The following MAN2A1 variants were observed in gnomAD, a reference collection of about 807,000 sequenced individuals.
The protein encoded by MAN2A1 is alpha-mannosidase 2.
A neutral mutation model predicts 142.6 loss-of-function variants in MAN2A1; 76 were observed. That is an observed-to-expected ratio of 0.53 (90% CI 0.44 to 0.65). MAN2A1 has a LOEUF of 0.65. MAN2A1 is among the 30% of genes least tolerant of loss of function. The probability of loss-of-function intolerance (pLI) is 0.00; values close to 1 mark genes in which losing one functional copy is unlikely to be tolerated. For synonymous variants in MAN2A1, 559 were observed against 473.2 expected (o/e 1.18, Z -2.35); for missense variants, 1,311 against 1,365.1 (o/e 0.96, Z 0.62).
chr5:109,858,408 CAA>C (rs1392848199), intron 20 of MAN2A1, among the ~76,000 whole-genome samples: 1 of 152,034 alleles, frequency 6.6e-6, no homozygotes, highest in African/African-American at 2.4e-5. Context: ...GCTGTACTTA[CAA>C]AATGTCCAGT....
At chr5:109,742,735 C>A (rs946927433) in intron 4 of MAN2A1, among the ~76,000 whole-genome samples, 1 of 152,134 alleles carries the variant, frequency 6.6e-6, no homozygotes, top group South Asian at 2.1e-4. Context: ...TATTCAGAGT[C>A]ATTTGCAGAT....
chr5:109,700,351 T>C (rs1750942649), intron 1 of MAN2A1, among the ~76,000 whole-genome samples: 2 of 151,038 alleles, frequency 1.3e-5, no homozygotes, highest in South Asian at 2.1e-4. Flanking sequence ...CTAGAACTGA[T>C]AGTGCTTTGT....
At chr5:109,755,014 A>AAATG (rs1388822730) in intron 4 of MAN2A1, among the ~76,000 whole-genome samples, 3 of 152,164 alleles carry the variant, frequency 2.0e-5, no homozygotes, top group Non-Finnish European at 4.4e-5. Flanking sequence ...ATAAATAAAT[A>AAATG]AATAAACCAA....
rs780794951 is a variant in MAN2A1 at position 109,845,974 on chromosome 5, C to T, written c.2810C>T (p.Ala937Val). 4.3e-6 allele frequency: 7 copies of T among 1,613,532 alleles called. No homozygotes were observed. The African/African-American group carries it at 6.7e-5, about 15-fold the overall frequency. ...DAKHRLTLLS[A>V]QSLGVSSLNS... ...AAACATCGTTTGACACTGCTCTCTG[C>T]TCAGTCATTAGGGGTTTCGAGTTTG... Residue 937 changes from alanine to valine, a missense_variant, in exon 18 of 22, where the codon GCT becomes GTT. Physicochemically the swap from Ala to Val is moderately conservative, Grantham distance 64. Transcript: ENST00000261483.
Position 109,761,233 on chromosome 5 carries a change from T to C in MAN2A1, c.835+5777T>C, listed in dbSNP as rs140751296. ...TTATAGTATTTAGACTATATGTCTG[T>C]TTAGTATTTTATTGCATAGATAACA... On this transcript the variant is annotated intron_variant, in intron 5 of 21. Coordinates refer to ENST00000261483, the MANE Select transcript of MAN2A1 (RefSeq NM_002372.4). 2.0e-3 allele frequency among the ~76,000 whole-genome samples: 305 copies of C among 151,768 alleles called. 2 individuals carry two copies. The highest frequency in any genetic ancestry group is 7.1e-3 in the African/African-American group (293 of 41,506).
chr5:109,699,231 C>T (rs998453252), intron 1 of MAN2A1, among the ~76,000 whole-genome samples: 3 of 152,168 alleles, frequency 2.0e-5, no homozygotes, highest in Middle Eastern at 3.2e-3. Flanking sequence ...TCATTTCTCA[C>T]CCTCCCTCAG....
At chr5:109,828,122 AAAAAG>A (rs142905103) in intron 16 of MAN2A1, among the ~76,000 whole-genome samples, 24,910 of 150,392 alleles carry the variant, frequency 0.17, 2,997 homozygotes, top group East Asian at 0.63. Context: ...AAAAAAAGAA[AAAAAG>A]AAAAAAAATT....
At chr5:109,706,365 T>C (rs940805831) in intron 1 of MAN2A1, among the ~76,000 whole-genome samples, 3 of 152,236 alleles carry the variant, frequency 2.0e-5, no homozygotes, top group Non-Finnish European at 4.4e-5. Context: ...ATACTTTTAC[T>C]ATGTAGCAGC....
At chr5:109,792,294 A>T (rs11953031) in intron 12 of MAN2A1, among the ~76,000 whole-genome samples, 3,187 of 152,038 alleles carry the variant, frequency 0.021, 113 homozygotes, top group African/African-American at 0.073. Context: ...TATTCCTTAA[A>T]TTTCATCACT....
rs1302153619 is a variant in MAN2A1 at position 109,713,768 on chromosome 5, T to A, written c.384T>A (p.Asp128Glu). ...FASQSGSHNS[D>E]VQMLDVYSLI... Reference sequence around the variant, plus strand: ...CACAAAGTGGAAGTCACAATTCAGATGTGCAGGTAATGTATACATTCGTTA... The same window carrying A: ...CACAAAGTGGAAGTCACAATTCAGAAGTGCAGGTAATGTATACATTCGTTA... The change falls in exon 2 of 22, where the codon GAT becomes GAA. Residue 128 changes from aspartate to glutamate, a missense_variant. Transcript: ENST00000261483. 9.3e-6 allele frequency: 15 copies of A among 1,613,574 alleles called. No individual in the cohort carries two copies. The highest frequency in any genetic ancestry group is 2.7e-5 in the African/African-American group (2 of 74,874).
At chr5:109,722,931 G>C (rs1053424096) in intron 3 of MAN2A1, among the ~76,000 whole-genome samples, 5 of 152,230 alleles carry the variant, frequency 3.3e-5, no homozygotes, top group African/African-American at 9.6e-5. Context: ...CTGAAGTATT[G>C]TCAGTCAGTG....
intron 7 of MAN2A1, among the ~76,000 whole-genome samples, chr5:109,770,768 A>C (rs1753125251): frequency 6.6e-6 from 1 of 152,110 alleles, no homozygotes; most frequent in South Asian, 2.1e-4. Context: ...TATACAATGG[A>C]TAACCTATAA....
intron 12 of MAN2A1, among the ~76,000 whole-genome samples, chr5:109,815,158 C>A (rs563664167): frequency 6.6e-6 from 1 of 152,074 alleles, no homozygotes; most frequent in South Asian, 2.1e-4. Context: ...TAGGACAGTC[C>A]CATTGGTAAT....
intron 6 of MAN2A1, among the ~76,000 whole-genome samples, chr5:109,769,369 G>A (rs970394119): frequency 2.6e-5 from 4 of 152,166 alleles, no homozygotes; most frequent in African/African-American, 9.7e-5. Context: ...AGTTGAGCTT[G>A]TTCACGTGTT....
chr5:109,761,071 A>G (rs981818252), intron 5 of MAN2A1, among the ~76,000 whole-genome samples: 12 of 151,256 alleles, frequency 7.9e-5, no homozygotes, highest in African/African-American at 2.9e-4. Flanking sequence ...ATATAAGAAA[A>G]TTTTTCATAT....
intron 12 of MAN2A1, among the ~76,000 whole-genome samples, chr5:109,809,725 G>A (rs377109713): frequency 1.3e-5 from 2 of 152,042 alleles, no homozygotes; most frequent in South Asian, 2.1e-4. Context: ...TATTTTCTCC[G>A]TTTGGGGATC....
Position 109,808,273 on chromosome 5 carries a change from C to T in MAN2A1, c.1944-9000C>T, listed in dbSNP as rs541247107. Reference sequence around the variant, plus strand: ...GATGTTGTTATTGTTCTGAATTTTTCTAATAAACACGTAACTTCCTGTAGA... The same window carrying T: ...GATGTTGTTATTGTTCTGAATTTTTTTAATAAACACGTAACTTCCTGTAGA... On this transcript the variant is annotated intron_variant, in intron 12 of 21. Coordinates refer to ENST00000261483, the MANE Select transcript of MAN2A1 (RefSeq NM_002372.4). Among the ~76,000 whole-genome samples, 12 of 152,222 alleles carry T rather than the reference C, an allele frequency of 7.9e-5. No individual in the cohort carries two copies. The South Asian group carries it at 2.5e-3, about 32-fold the overall frequency.
chr5:109,811,059 T>C (rs1182162517), intron 12 of MAN2A1, among the ~76,000 whole-genome samples: 2 of 152,040 alleles, frequency 1.3e-5, no homozygotes, highest in African/African-American at 4.8e-5. Context: ...AGTTTTTTGT[T>C]ACCAAATCTG....
intron 1 of MAN2A1, among the ~76,000 whole-genome samples, chr5:109,711,717 A>G (rs1234939512): frequency 6.6e-6 from 1 of 152,062 alleles, no homozygotes; most frequent in Non-Finnish European, 1.5e-5. Context: ...TTGTAAAGTG[A>G]TGTGTGCTCC....
Sources: allele counts gnomAD v4.1 joint callset (sites outside exome capture counted in the v4.1 genomes callset), GRCh38; gene constraint gnomAD v4.1.1; transcripts MANE v1.5; gene names NCBI Gene and HGNC (gene_info 2026-07-23, HGNC 2026-07-21).